The following RAB43 variants were observed in gnomAD, a reference collection of about 807,000 sequenced individuals.
RAB43 encodes RAB43, member RAS oncogene family, also known as ras-related protein Rab-43.
In RAB43, 6 loss-of-function variants were observed where a neutral mutation model predicts 18.8. The observed-to-expected ratio is 0.32, with a 90% CI of 0.17 to 0.63. The LOEUF is 0.63. Among genes scored for constraint, RAB43 ranks in the 30% least tolerant of loss-of-function variants. The pLI, the probability that RAB43 is intolerant of heterozygous loss-of-function variation, is 0.79. For synonymous variants in RAB43, 103 were observed against 124.1 expected (o/e 0.83, Z 1.13); for missense variants, 195 against 289.1 (o/e 0.67, Z 2.36).
intron 1 of RAB43, among the ~76,000 whole-genome samples, chr3:129,120,304 G>A (rs1935823553): frequency 6.6e-6 from 1 of 152,200 alleles, no homozygotes; most frequent in Non-Finnish European, 1.5e-5. Flanking sequence ...AGAGCCACCC[G>A]GAGAGGCAGA....
Position 129,088,041 on chromosome 3 carries a change from C to CCG in RAB43, c.*3053_*3054dup, listed in dbSNP as rs991054860. On this transcript the variant is annotated 3_prime_UTR_variant, in exon 3 of 3. Coordinates refer to ENST00000315150, the MANE Select transcript of RAB43 (RefSeq NM_198490.3). ...AGGAAGAGATGACACTGTTCTCCTTCCGCCCCAGAGCCCGGGCTGCCGGGA... is the reference window on the plus strand; with the variant it reads ...AGGAAGAGATGACACTGTTCTCCTTCCGCGCCCCAGAGCCCGGGCTGCCGGGA... 7.2e-5 allele frequency: 11 copies of CCG among 152,128 alleles called. No homozygotes were observed. The highest frequency in any genetic ancestry group is 2.0e-4 in the Admixed American group (3 of 15,270). 9.4% of individuals were successfully genotyped at this position (152,128 alleles called of 1,614,324 possible).
rs951772478 is a variant in RAB43 at position 129,115,277 on chromosome 3, C to T, written c.204+6009G>A. Reference sequence around the variant, plus strand: ...CCGAGGTGGGTAGATCACCTGAGGTCGGGAGTTCGAAACCAGCCTGGCCAA... The same window carrying T: ...CCGAGGTGGGTAGATCACCTGAGGTTGGGAGTTCGAAACCAGCCTGGCCAA... On this transcript the variant is annotated intron_variant, in intron 1 of 2. Coordinates refer to ENST00000315150, the MANE Select transcript of RAB43 (RefSeq NM_198490.3). Among the ~76,000 whole-genome samples, 5 of 151,472 alleles carry T rather than the reference C, an allele frequency of 3.3e-5. No individual in the cohort carries two copies. The South Asian group carries it at 8.3e-4, about 25-fold the overall frequency.
chr3:129,109,277 G>A (rs1560001800), intron 1 of RAB43, among the ~76,000 whole-genome samples: 1 of 152,064 alleles, frequency 6.6e-6, no homozygotes, highest in African/African-American at 2.4e-5. Flanking sequence ...GGGCGTGGTG[G>A]CGGGTGCCTG....
In RAB43 at chr3:129,095,422, C is replaced by A. The variant is rs1933976647; in HGVS notation, c.205-253G>T. On this transcript the variant is annotated intron_variant, in intron 1 of 2. Transcript: ENST00000315150. The surrounding 1 kb of genome is among the most constrained non-coding windows in gnomAD (Gnocchi z 4.2). ...GGAAGGGGTACACTCTGAGCTGACC[C>A]AGGTCCTCCGCGTGCCCCTCCGTGT... 6.6e-6 allele frequency among the ~76,000 whole-genome samples: 1 copy of A among 152,194 alleles called. No individual in the cohort carries two copies. The highest frequency in any genetic ancestry group is 2.4e-5 in the African/African-American group (1 of 41,446).
intron 1 of RAB43, among the ~76,000 whole-genome samples, chr3:129,104,318 C>A (rs1459262988): frequency 6.6e-6 from 1 of 152,210 alleles, no homozygotes; most frequent in African/African-American, 2.4e-5. Context: ...TGACCAGCCA[C>A]TAACCTGACC....
chr3:129,100,976 T>C (rs1238005651), intron 1 of RAB43, among the ~76,000 whole-genome samples: 1 of 152,158 alleles, frequency 6.6e-6, no homozygotes, highest in Non-Finnish European at 1.5e-5. Flanking sequence ...CCAGCTAATT[T>C]TGTATTTTTA....
intron 1 of RAB43, among the ~76,000 whole-genome samples, chr3:129,104,750 C>T (rs567880576): frequency 1.0e-3 from 159 of 152,352 alleles, no homozygotes; most frequent in African/African-American, 3.7e-3. Flanking sequence ...CTAAACATAA[C>T]TCCCAGCTTA....
intron 1 of RAB43, among the ~76,000 whole-genome samples, chr3:129,114,789 C>G (rs926921644): frequency 6.6e-6 from 1 of 152,214 alleles, no homozygotes; most frequent in Non-Finnish European, 1.5e-5. Context: ...TTGTGTGCCT[C>G]TACTTCCCAC....
chr3:129,097,094 CAGAGTGAGTG>C (rs1264040081), intron 1 of RAB43, among the ~76,000 whole-genome samples: 2 of 151,800 alleles, frequency 1.3e-5, no homozygotes, highest in Non-Finnish European at 2.9e-5. Flanking sequence ...GCCTGGACGA[CAGAGTGAGTG>C]AGACTGTCTC....
In RAB43 at chr3:129,116,400, T is replaced by C. The variant is rs111479337; in HGVS notation, c.204+4886A>G. Among the ~76,000 whole-genome samples the C allele has an allele frequency of 3.3e-3, 501 of 152,358 alleles. 1 individual carries two copies. The highest frequency in any genetic ancestry group is 0.011 in the African/African-American group (471 of 41,592). ...ATTTCTTCAGAAAATCAGCACGACC[T>C]AGAACTTCTTTCTTATCTAACAGTC... is the stretch of plus-strand genomic sequence containing the variant. On this transcript the variant is annotated intron_variant, in intron 1 of 2. Transcript: ENST00000315150.
intron 1 of RAB43, among the ~76,000 whole-genome samples, chr3:129,109,359 G>A (rs561909543): frequency 7.3e-5 from 11 of 150,762 alleles, no homozygotes; most frequent in South Asian, 2.1e-4. Flanking sequence ...GCAGTGAGCC[G>A]AGGTTGCGCC....
intron 1 of RAB43, among the ~76,000 whole-genome samples, chr3:129,115,468 C>T (rs1935461665): frequency 1.3e-5 from 2 of 151,792 alleles, no homozygotes; most frequent in Non-Finnish European, 2.9e-5. Context: ...CATGCCATTG[C>T]ACTCCAGCCT....
chr3:129,103,784 C>T (rs1197760901), intron 1 of RAB43, among the ~76,000 whole-genome samples: 2 of 152,172 alleles, frequency 1.3e-5, no homozygotes, highest in African/African-American at 4.8e-5. Context: ...AGGCTGGTCT[C>T]GAACTCCTGA....
Position 129,121,511 on chromosome 3 carries a change from C to A in RAB43, c.-22G>T. 1 of 1,582,340 alleles carries A rather than the reference C, an allele frequency of 6.3e-7. No individual in the cohort carries two copies. The highest frequency in any genetic ancestry group is 8.6e-7 in the Non-Finnish European group (1 of 1,164,608). On this transcript the variant is annotated 5_prime_UTR_variant, in exon 1 of 3. Coordinates refer to ENST00000315150, the MANE Select transcript of RAB43 (RefSeq NM_198490.3). ...CCATGGCCTAGAAGAAGCCGAAGGGCCGGCGCTCTGGACGCTGGGACCGGC... is the reference window on the plus strand; with the variant it reads ...CCATGGCCTAGAAGAAGCCGAAGGGACGGCGCTCTGGACGCTGGGACCGGC...
At chr3:129,091,462 C>A in intron 2 of RAB43, 116 bp from the exon 3 acceptor site, 2 of 1,306,614 alleles carry the variant, frequency 1.5e-6, no homozygotes, top group Admixed American at 2.8e-5. Flanking sequence ...TAAATGGACA[C>A]CCCTGGCATG....
At chr3:129,120,163 T>G (rs555978190) in intron 1 of RAB43, among the ~76,000 whole-genome samples, 21 of 152,266 alleles carry the variant, frequency 1.4e-4, no homozygotes, top group Non-Finnish European at 4.4e-5. Flanking sequence ...TGTGGACACA[T>G]AAAGACTGTT....
chr3:129,121,320 A>T lies in RAB43; in HGVS notation c.170T>A (p.Met57Lys). ...CTTGCCCTGGATCTCCAGCGTCTTC[A>T]TGGTGAAGTCGACGCCGATGGTGCT... ...QGSTIGVDFT[M>K]KTLEIQGKRV... Residue 57 changes from methionine (M) to lysine (K), a missense_variant, in exon 1 of 3, where the codon ATG (methionine) becomes AAG (lysine). Transcript: ENST00000315150. The T allele has an allele frequency of 6.2e-7, 1 of 1,609,324 alleles. No homozygotes were observed. Among genetic ancestry groups the T allele is most frequent in the Non-Finnish European group, 8.5e-7 (1 of 1,178,142 alleles).
intron 2 of RAB43, among the ~76,000 whole-genome samples, chr3:129,094,319 A>G (rs1352741071): frequency 2.0e-5 from 3 of 152,072 alleles, no homozygotes; most frequent in Admixed American, 6.6e-5. Flanking sequence ...CAAAGCCTAC[A>G]TGTGTATGCT....
intron 1 of RAB43, among the ~76,000 whole-genome samples, chr3:129,100,885 C>T (rs916714575): frequency 6.6e-6 from 1 of 152,218 alleles, no homozygotes; most frequent in Non-Finnish European, 1.5e-5. Flanking sequence ...CTGCTCACCG[C>T]AACCTCTGTC....
Sources: gnomAD v4.1 joint callset for allele counts (sites outside exome capture counted in the v4.1 genomes callset) on GRCh38, gnomAD v4.1.1 for gene constraint, Gnocchi (gnomAD v3.1) non-coding constraint, MANE v1.5 for transcripts, NCBI Gene and HGNC (gene_info 2026-07-23, HGNC 2026-07-21) for gene names.